Variants in ANKRD44 observed in about 807,000 individuals in gnomAD.
ANKRD44 encodes the protein serine/threonine-protein phosphatase 6 regulatory ankyrin repeat subunit B.
ANKRD44 carries 35 observed loss-of-function variants against 116.0 expected under a neutral mutation model. That is an observed-to-expected ratio of 0.30 (90% CI 0.23 to 0.40). The LOEUF (loss-of-function observed/expected upper bound fraction) is 0.40. ANKRD44 is among the 10% of genes least tolerant of loss of function. The pLI is 1.00. For synonymous variants in ANKRD44, 435 were observed against 461.8 expected (o/e 0.94, Z 0.74); for missense variants, 1,014 against 1,242.6 (o/e 0.82, Z 2.77).
chr2:197,195,322 A>G (rs540609386), intron 1 of ANKRD44, among the ~76,000 whole-genome samples: 178 of 152,294 alleles, frequency 1.2e-3, no homozygotes, highest in African/African-American at 3.8e-3. Flanking sequence ...GGTCATGAGC[A>G]GGAGAAAGGA....
At chr2:197,231,974 A>G (rs1029745795) in intron 1 of ANKRD44, among the ~76,000 whole-genome samples, 3 of 152,332 alleles carry the variant, frequency 2.0e-5, no homozygotes, top group African/African-American at 7.2e-5. Context: ...GAATAAGTGG[A>G]TGGATGGATG....
chr2:197,027,829 C>T (rs947391198), intron 16 of ANKRD44, among the ~76,000 whole-genome samples: 7 of 151,860 alleles, frequency 4.6e-5, no homozygotes, highest in Non-Finnish European at 7.4e-5. Flanking sequence ...ACTACAGGCA[C>T]GTGCCACCAT....
At chr2:197,285,251 A>G (rs914091714) in intron 1 of ANKRD44, among the ~76,000 whole-genome samples, 1 of 151,952 alleles carries the variant, frequency 6.6e-6, no homozygotes, top group East Asian at 1.9e-4. Context: ...CCCAGCCCCA[A>G]CCCACTGCAG....
chr2:197,203,949 C>T lies in ANKRD44; in HGVS notation c.28-16843G>A, dbSNP rs897866954. Among the ~76,000 whole-genome samples the T allele has an allele frequency of 2.6e-5, 4 of 152,076 alleles. No individual in the cohort carries two copies. Among genetic ancestry groups the T allele is most frequent in the African/African-American group, 9.7e-5 (4 of 41,390 alleles). ...AAGCTGATTAGCAGTTACCAGGGATCGGGAGGGAACGGGAAGTGACTGCTT... is the reference window on the plus strand; with the variant it reads ...AAGCTGATTAGCAGTTACCAGGGATTGGGAGGGAACGGGAAGTGACTGCTT... On this transcript the variant is annotated intron_variant, in intron 1 of 27. Coordinates refer to ENST00000282272, the MANE Select transcript of ANKRD44 (RefSeq NM_001195144.2). This position sits in a 1 kb window ranked among gnomAD's most constrained non-coding sequence, Gnocchi z 4.1.
chr2:197,222,765 A>G (rs1455069369), intron 1 of ANKRD44, among the ~76,000 whole-genome samples: 2 of 152,072 alleles, frequency 1.3e-5, no homozygotes, highest in African/African-American at 4.8e-5. Flanking sequence ...TGATAAAACT[A>G]CAACAGAGTT....
chr2:197,108,830 A>G (rs1410874218), intron 9 of ANKRD44, among the ~76,000 whole-genome samples: 3 of 142,926 alleles, frequency 2.1e-5, no homozygotes, highest in Non-Finnish European at 4.6e-5. Context: ...AGAGTGAGAA[A>G]GTGTCTTAAA....
intron 16 of ANKRD44, among the ~76,000 whole-genome samples, chr2:197,068,409 T>TAAATAAAAAAAAAATA (rs2077486918): frequency 7.6e-6 from 1 of 132,004 alleles, no homozygotes; most frequent in Non-Finnish European, 1.6e-5. Context: ...AAAAATAAAA[T>TAAATAAAAAAAAAATA]AAAAAAAAAT....
chr2:197,027,303 C>T (rs1209141077), intron 16 of ANKRD44, among the ~76,000 whole-genome samples: 10 of 151,950 alleles, frequency 6.6e-5, no homozygotes, highest in East Asian at 1.9e-4. Context: ...TGGAGGTGGC[C>T]GTGAGCTGAG....
intron 1 of ANKRD44, among the ~76,000 whole-genome samples, chr2:197,223,802 A>G (rs1164612816): frequency 1.3e-5 from 2 of 152,292 alleles, no homozygotes; most frequent in East Asian, 3.9e-4. Flanking sequence ...TACATTTGTC[A>G]CTTTCAGATT....
intron 3 of ANKRD44, among the ~76,000 whole-genome samples, chr2:197,143,351 T>TC (rs1253421053): frequency 1.7e-5 from 1 of 59,730 alleles, no homozygotes; most frequent in Non-Finnish European, 2.9e-5. Flanking sequence ...CCCTCCCCCC[T>TC]CCCCCCACCC....
chr2:196,989,523 CATAT>C lies in ANKRD44; in HGVS notation c.*64_*67del. 7.5e-7 allele frequency: 1 copy of C among 1,327,580 alleles called. No individual in the cohort carries two copies. Among genetic ancestry groups the C allele is most frequent in the Non-Finnish European group, 1.0e-6 (1 of 996,464 alleles). The allele number at this position is 1,327,580 out of a possible 1,614,324, so 82.2% of individuals were successfully genotyped here. ...GGCTGATGAACTACACACACACACACATATATATATATATACACACGCACACATA... is the reference window on the plus strand; with the variant it reads ...GGCTGATGAACTACACACACACACACATATATATATACACACGCACACATA... On this transcript the variant is annotated 3_prime_UTR_variant, in exon 28 of 28. Coordinates refer to ENST00000282272, the MANE Select transcript of ANKRD44 (RefSeq NM_001195144.2).
intron 1 of ANKRD44, among the ~76,000 whole-genome samples, chr2:197,285,155 G>A: frequency 6.6e-6 from 1 of 151,964 alleles, no homozygotes; most frequent in East Asian, 1.9e-4. Flanking sequence ...AGGAAGTGAT[G>A]AAAAGTCAGG....
At chr2:197,198,588 T>C (rs572927783) in intron 1 of ANKRD44, among the ~76,000 whole-genome samples, 2 of 152,094 alleles carry the variant, frequency 1.3e-5, no homozygotes, top group African/African-American at 4.8e-5. Flanking sequence ...GGCCAGGAGT[T>C]TGAGACCAGC....
Position 197,310,642 on chromosome 2 carries a change from C to T in ANKRD44, c.-38G>A, listed in dbSNP as rs1396613814. ...TCGCGCGCACACACATGCAGGTCCCCGGCCCGCAGATGTCACGCCGGGAGC... is the reference window on the plus strand; with the variant it reads ...TCGCGCGCACACACATGCAGGTCCCTGGCCCGCAGATGTCACGCCGGGAGC... On this transcript the variant is annotated 5_prime_UTR_variant, in exon 1 of 28. Coordinates refer to ENST00000282272, the MANE Select transcript of ANKRD44 (RefSeq NM_001195144.2). 2.2e-6 allele frequency: 3 copies of T among 1,336,532 alleles called. No homozygotes were observed. The South Asian group carries it at 4.4e-5, about 19-fold the overall frequency. The allele number at this position is 1,336,532 out of a possible 1,614,324, so 82.8% of individuals were successfully genotyped here.
intron 16 of ANKRD44, among the ~76,000 whole-genome samples, chr2:197,054,558 A>G (rs2077169317): frequency 2.0e-5 from 3 of 152,196 alleles, no homozygotes. Flanking sequence ...TGTACATACC[A>G]CTCAGCTAGT....
intron 12 of ANKRD44, 28 bp from the exon 13 acceptor site, chr2:197,086,776 GA>G: frequency 6.2e-7 from 1 of 1,604,904 alleles, no homozygotes; most frequent in Non-Finnish European, 8.5e-7. Flanking sequence ...ACATCATTAA[GA>G]TGGAAGAGAT....
chr2:197,245,715 T>A (rs1421744023), intron 1 of ANKRD44, among the ~76,000 whole-genome samples: 1 of 152,202 alleles, frequency 6.6e-6, no homozygotes, highest in Non-Finnish European at 1.5e-5. Flanking sequence ...GAGGCCACAT[T>A]CCTTATCTCT....
At chr2:197,210,879 G>A (rs2081309411) in intron 1 of ANKRD44, among the ~76,000 whole-genome samples, 1 of 152,158 alleles carries the variant, frequency 6.6e-6, no homozygotes, top group Non-Finnish European at 1.5e-5. Flanking sequence ...CATCCATGTG[G>A]GGCAGGATGT....
At chr2:197,113,773 T>G (rs1231909533) in intron 8 of ANKRD44, among the ~76,000 whole-genome samples, 1 of 152,214 alleles carries the variant, frequency 6.6e-6, no homozygotes, top group East Asian at 1.9e-4. Flanking sequence ...TTAGGTAAAA[T>G]GCAAAGAACA....
Sources: gnomAD v4.1 joint callset for allele counts (sites outside exome capture counted in the v4.1 genomes callset) on GRCh38, gnomAD v4.1.1 for gene constraint, Gnocchi (gnomAD v3.1) non-coding constraint, MANE v1.5 for transcripts, NCBI Gene and HGNC (gene_info 2026-07-23, HGNC 2026-07-21) for gene names.